Variants in DSCAM observed in about 807,000 individuals in gnomAD.
The protein encoded by DSCAM is DS cell adhesion molecule, also known as cell adhesion molecule DSCAM.
DSCAM carries 47 observed loss-of-function variants against 217.7 expected under a neutral mutation model. That is an observed-to-expected ratio of 0.22 (90% CI 0.17 to 0.28). The LOEUF (loss-of-function observed/expected upper bound fraction) is 0.28. Among genes scored for constraint, DSCAM ranks in the 10% least tolerant of loss-of-function variants. The pLI is 1.00. For missense variants in DSCAM, 2,080 were observed against 2,618.3 expected (o/e 0.79, Z 4.49); for synonymous variants, 1,056 against 1,015.3 (o/e 1.04, Z -0.76).
chr21:40,312,399 T>C (rs767004983), intron 8 of DSCAM, 40 bp from the exon 9 acceptor site: 2 of 1,598,938 alleles, frequency 1.3e-6, no homozygotes, highest in East Asian at 4.6e-5. Flanking sequence ...CTGTGCTTAT[T>C]CTACATTTGC....
At chr21:40,605,148 A>G (rs2089215428) in intron 3 of DSCAM, among the ~76,000 whole-genome samples, 1 of 152,166 alleles carries the variant, frequency 6.6e-6, no homozygotes, top group Non-Finnish European at 1.5e-5. Context: ...AGGGGCTCCT[A>G]GGAAATATTA....
chr21:40,289,130 C>A (rs2073861576), intron 10 of DSCAM, among the ~76,000 whole-genome samples: 1 of 152,166 alleles, frequency 6.6e-6, no homozygotes, highest in South Asian at 2.1e-4. Flanking sequence ...AGAGAGAAGC[C>A]TAGAAAAATG....
At chr21:40,299,583 C>T (rs1378418843) in intron 9 of DSCAM, among the ~76,000 whole-genome samples, 3 of 152,116 alleles carry the variant, frequency 2.0e-5, no homozygotes, top group Non-Finnish European at 2.9e-5. Context: ...CTGCCCAGAG[C>T]CTAATGTGAA....
At chr21:40,174,283 T>C (rs1294149619) in intron 15 of DSCAM, among the ~76,000 whole-genome samples, 2 of 152,214 alleles carry the variant, frequency 1.3e-5, no homozygotes, top group Non-Finnish European at 2.9e-5. Context: ...GATAACGCTT[T>C]ATGCACTTTC....
chr21:40,723,655 T>C (rs981236312), intron 1 of DSCAM, among the ~76,000 whole-genome samples: 1 of 152,216 alleles, frequency 6.6e-6, no homozygotes, highest in Non-Finnish European at 1.5e-5. Flanking sequence ...AAAAATATTA[T>C]GGTTTTCATA....
At chr21:40,818,061 A>C (rs1308139652) in intron 1 of DSCAM, among the ~76,000 whole-genome samples, 3 of 127,798 alleles carry the variant, frequency 2.3e-5, no homozygotes, top group African/African-American at 9.0e-5. Flanking sequence ...GCGCCACTGC[A>C]GTCCGCAGTC....
intron 3 of DSCAM, among the ~76,000 whole-genome samples, chr21:40,540,815 G>A (rs2076537342): frequency 1.3e-5 from 2 of 151,940 alleles, no homozygotes. Flanking sequence ...AACAAATATT[G>A]AGCCAACCAA....
intron 11 of DSCAM, among the ~76,000 whole-genome samples, chr21:40,268,244 C>A (rs73225097): frequency 6.6e-6 from 1 of 152,132 alleles, no homozygotes. Flanking sequence ...ATTCAGAGCA[C>A]GCAGGATGTA....
chr21:40,827,029 A>C (rs2091974309), intron 1 of DSCAM, among the ~76,000 whole-genome samples: 1 of 152,048 alleles, frequency 6.6e-6, no homozygotes, highest in Non-Finnish European at 1.5e-5. Flanking sequence ...AGGAGAAGAG[A>C]GGGGTAAGAA....
intron 16 of DSCAM, among the ~76,000 whole-genome samples, chr21:40,155,552 C>T (rs970978947): frequency 6.6e-6 from 1 of 151,796 alleles, no homozygotes; most frequent in Admixed American, 6.6e-5. Flanking sequence ...GGGAGGGGCA[C>T]CCCGACTCCA....
intron 5 of DSCAM, among the ~76,000 whole-genome samples, 170 bp from the exon 6 acceptor site, chr21:40,348,115 T>C (rs1210033342): frequency 6.6e-6 from 1 of 152,100 alleles, no homozygotes; most frequent in Non-Finnish European, 1.5e-5. Context: ...ATCAGCCACA[T>C]TATTGCAATC....
intron 18 of DSCAM, among the ~76,000 whole-genome samples, chr21:40,140,847 G>A (rs1181107617): frequency 1.3e-5 from 2 of 152,046 alleles, no homozygotes; most frequent in East Asian, 1.9e-4. Flanking sequence ...ACCTCCACAG[G>A]GACAGACACA....
intron 1 of DSCAM, among the ~76,000 whole-genome samples, chr21:40,794,818 A>G (rs940918784): frequency 2.6e-5 from 4 of 151,204 alleles, no homozygotes; most frequent in African/African-American, 4.9e-5. Context: ...TACCTCCTCC[A>G]TCACATAAAC....
chr21:40,446,467 A>T (rs1038191308), intron 3 of DSCAM, among the ~76,000 whole-genome samples: 1 of 152,166 alleles, frequency 6.6e-6, no homozygotes, highest in Non-Finnish European at 1.5e-5. Context: ...GTCAGACCCC[A>T]CTCAGTATCC....
In DSCAM at chr21:40,842,207, G is replaced by A. The variant is rs116013104; in HGVS notation, c.43+4412C>T. Among the ~76,000 whole-genome samples the A allele has an allele frequency of 8.0e-3, 1,224 of 152,298 alleles. 24 individuals are homozygous for A. Among genetic ancestry groups the A allele is most frequent in the Admixed American group, 0.043 (657 of 15,308 alleles). On this transcript the variant is annotated intron_variant, in intron 1 of 32. Coordinates refer to ENST00000400454, the MANE Select transcript of DSCAM (RefSeq NM_001389.5). ...TCCCTATCTCCCAGGCTGAGGGTGC[G>A]GGCACCAAGGCCCAGCGTGCACTTC...
intron 9 of DSCAM, among the ~76,000 whole-genome samples, chr21:40,301,459 C>CA (rs779247925): frequency 1.2e-4 from 19 of 152,228 alleles, no homozygotes; most frequent in Non-Finnish European, 2.6e-4. Flanking sequence ...GGTCTTCACA[C>CA]AGGCTTCTTC....
chr21:40,058,976 GAGA>G (rs1035720855), intron 28 of DSCAM, among the ~76,000 whole-genome samples: 18 of 152,322 alleles, frequency 1.2e-4, no homozygotes, highest in Admixed American at 9.8e-4. Context: ...TGAATAAAAT[GAGA>G]AGAAGAGGAG....
chr21:40,414,119 A>C (rs1182549883), intron 3 of DSCAM, among the ~76,000 whole-genome samples: 1 of 152,200 alleles, frequency 6.6e-6, no homozygotes, highest in Non-Finnish European at 1.5e-5. Context: ...AAGAAAAAAT[A>C]TTTATAAAAC....
intron 30 of DSCAM, 148 bp from the exon 31 acceptor site, chr21:40,044,423 T>C: frequency 1.4e-6 from 1 of 729,966 alleles, no homozygotes; most frequent in Non-Finnish European, 2.2e-6. Context: ...GTGCAGAGGA[T>C]ACTTTCCCTT....
Sources: gnomAD v4.1 joint callset for allele counts (sites outside exome capture counted in the v4.1 genomes callset) on GRCh38, gnomAD v4.1.1 for gene constraint, MANE v1.5 for transcripts, NCBI Gene and HGNC (gene_info 2026-07-23, HGNC 2026-07-21) for gene names.